MYO5A: variants seen among roughly 807,000 people sequenced by gnomAD.
MYO5A encodes the protein myosin VA.
A neutral mutation model predicts 249.7 loss-of-function variants in MYO5A; 98 were observed. The observed-to-expected ratio is 0.39, with a 90% confidence interval of 0.33 to 0.46. The LOEUF is 0.46. Among genes scored for constraint, MYO5A ranks in the 20% least tolerant of loss-of-function variants. The pLI, the probability that MYO5A is intolerant of heterozygous loss-of-function variation, is 0.98. For synonymous variants in MYO5A, 778 were observed against 810.6 expected (o/e 0.96, Z 0.68); for missense variants, 1,696 against 2,308.8 (o/e 0.73, Z 5.44).
intron 11 of MYO5A, among the ~76,000 whole-genome samples, chr15:52,396,022 C>A (rs1013523247): frequency 2.0e-5 from 3 of 152,310 alleles, no homozygotes; most frequent in African/African-American, 7.2e-5. Context: ...GAAAGATATC[C>A]TTGGGCTTAA....
intron 1 of MYO5A, among the ~76,000 whole-genome samples, chr15:52,528,137 C>T (rs2077758989): frequency 6.6e-6 from 1 of 152,072 alleles, no homozygotes; most frequent in Non-Finnish European, 1.5e-5. Flanking sequence ...CAAGGCTCTG[C>T]GGGATTACAC....
intron 1 of MYO5A, among the ~76,000 whole-genome samples, chr15:52,492,102 G>A (rs1417400846): frequency 6.6e-6 from 1 of 152,128 alleles, no homozygotes; most frequent in Non-Finnish European, 1.5e-5. Context: ...ATTTTTAGGT[G>A]TCACAATGGT....
intron 1 of MYO5A, among the ~76,000 whole-genome samples, chr15:52,445,707 T>G (rs539028219): frequency 1.3e-5 from 2 of 152,292 alleles, no homozygotes; most frequent in East Asian, 1.9e-4. Flanking sequence ...GACGGAAATG[T>G]GGAACTTAGT....
At chr15:52,382,211 T>C (rs2041779971) in intron 16 of MYO5A, among the ~76,000 whole-genome samples, 1 of 152,228 alleles carries the variant, frequency 6.6e-6, no homozygotes, top group Non-Finnish European at 1.5e-5. Context: ...TGACGGATGC[T>C]TTTTCATTTA....
At position 52,353,734 on chromosome 15, in the gene MYO5A, C is replaced by T; in HGVS notation, c.3568-76G>A. 4 of 1,585,888 alleles carry T rather than the reference C, an allele frequency of 2.5e-6. No individual in the cohort carries two copies. In the South Asian group the frequency reaches 4.4e-5, roughly 18 times the overall value. On this transcript the variant is annotated intron_variant, in intron 26 of 41. Coordinates refer to ENST00000399233, the MANE Select transcript of MYO5A (RefSeq NM_001382347.1). ...AAATATTTACTTGCTCTACCGAAAACAGTGAAGAGAGTTTAGCCCTCACTA... is the reference window on the plus strand; with the variant it reads ...AAATATTTACTTGCTCTACCGAAAATAGTGAAGAGAGTTTAGCCCTCACTA...
intron 36 of MYO5A, among the ~76,000 whole-genome samples, chr15:52,326,475 A>T (rs2038611189): frequency 6.6e-6 from 1 of 152,228 alleles, no homozygotes; most frequent in Non-Finnish European, 1.5e-5. Context: ...TAGAATGTTA[A>T]CTACAGAAAG....
At chr15:52,360,114 C>A in intron 24 of MYO5A, 33 bp from the exon 25 acceptor site, 2 of 1,400,880 alleles carry the variant, frequency 1.4e-6, no homozygotes, top group Non-Finnish European at 2.0e-6. Flanking sequence ...ATAATTAATG[C>A]AACATAATTA....
At chr15:52,487,162 T>C (rs1386011699) in intron 1 of MYO5A, among the ~76,000 whole-genome samples, 1 of 152,176 alleles carries the variant, frequency 6.6e-6, no homozygotes, top group African/African-American at 2.4e-5. Flanking sequence ...ACTCTTGTAA[T>C]GCCAACACTC....
At chr15:52,524,319 C>T (rs1364508444) in intron 1 of MYO5A, among the ~76,000 whole-genome samples, 1 of 151,942 alleles carries the variant, frequency 6.6e-6, no homozygotes, top group East Asian at 1.9e-4. Flanking sequence ...TTTGAGTGGC[C>T]GAGGCAGGAG....
intron 1 of MYO5A, among the ~76,000 whole-genome samples, chr15:52,470,755 G>A (rs1254111041): frequency 6.6e-6 from 1 of 152,140 alleles, no homozygotes; most frequent in East Asian, 1.9e-4. Flanking sequence ...GGGCACAGTG[G>A]CTCACATCGG....
At chr15:52,461,000 G>A (rs1401712806) in intron 1 of MYO5A, among the ~76,000 whole-genome samples, 1 of 152,158 alleles carries the variant, frequency 6.6e-6, no homozygotes, top group African/African-American at 2.4e-5. Context: ...TGCCCAGGCT[G>A]GAGTGCAGGG....
chr15:52,323,987 A>C (rs1289468401), intron 36 of MYO5A: 1 of 128,322 alleles, frequency 7.8e-6, no homozygotes, highest in Non-Finnish European at 1.6e-5. Context: ...CTAGAGACAG[A>C]ACGAGACTCT....
chr15:52,342,387 A>G (rs1207046887), intron 31 of MYO5A, among the ~76,000 whole-genome samples: 1 of 152,182 alleles, frequency 6.6e-6, no homozygotes, highest in Non-Finnish European at 1.5e-5. Context: ...ATGTAGCCAC[A>G]TTGCCATAGA....
intron 38 of MYO5A, among the ~76,000 whole-genome samples, chr15:52,320,011 C>CA (rs1036809969): frequency 6.6e-6 from 1 of 152,090 alleles, no homozygotes; most frequent in Non-Finnish European, 1.5e-5. Context: ...GCCCCAGAGG[C>CA]AAAAACAGTA....
At chr15:52,487,657 G>A (rs1359760453) in intron 1 of MYO5A, among the ~76,000 whole-genome samples, 1 of 151,396 alleles carries the variant, frequency 6.6e-6, no homozygotes, top group Admixed American at 6.6e-5. Context: ...CCAGGAGGCA[G>A]GGGTTGCAGT....
chr15:52,457,758 G>C (rs1393877221), intron 1 of MYO5A, among the ~76,000 whole-genome samples: 3 of 151,986 alleles, frequency 2.0e-5, no homozygotes, highest in Non-Finnish European at 2.9e-5. Context: ...CCCACTTCTG[G>C]GTATTTATTC....
intron 30 of MYO5A, among the ~76,000 whole-genome samples, chr15:52,345,828 T>TG (rs2039595435): frequency 6.6e-6 from 1 of 152,180 alleles, no homozygotes; most frequent in Non-Finnish European, 1.5e-5. Flanking sequence ...TAGACTTTGC[T>TG]GGGAAGGAGG....
At chr15:52,448,501 G>A (rs2075943071) in intron 1 of MYO5A, among the ~76,000 whole-genome samples, 1 of 152,178 alleles carries the variant, frequency 6.6e-6, no homozygotes, top group Non-Finnish European at 1.5e-5. Context: ...TTGAGTTAAT[G>A]CTGGAATAAG....
At chr15:52,371,368 C>T (rs760941758) in intron 21 of MYO5A, among the ~76,000 whole-genome samples, 31 of 152,300 alleles carry the variant, frequency 2.0e-4, no homozygotes, top group Non-Finnish European at 3.1e-4. Flanking sequence ...ATTGCAAGTT[C>T]ATCAGAAGCA....
Sources: allele counts gnomAD v4.1 joint callset (sites outside exome capture counted in the v4.1 genomes callset), GRCh38; gene constraint gnomAD v4.1.1; transcripts MANE v1.5; gene names NCBI Gene and HGNC (gene_info 2026-07-23, HGNC 2026-07-21).